SBF2: variants seen among roughly 807,000 people sequenced by gnomAD.
The protein encoded by SBF2 is myotubularin-related protein 13.
A neutral mutation model predicts 225.2 loss-of-function variants in SBF2; 112 were observed. The observed-to-expected ratio is 0.50, with a 90% CI of 0.43 to 0.58. The LOEUF (loss-of-function observed/expected upper bound fraction) is 0.58. Ranked by LOEUF, SBF2 falls within the 20% of genes least tolerant of loss-of-function variation. SBF2 has a pLI of 0.00. For missense variants in SBF2, 1,996 were observed against 2,206.2 expected (o/e 0.90, Z 1.91); for synonymous variants, 763 against 773.3 (o/e 0.99, Z 0.22).
At chr11:10,021,447 C>CAA (rs138053889) in intron 6 of SBF2, among the ~76,000 whole-genome samples, 12 of 150,338 alleles carry the variant, frequency 8.0e-5, no homozygotes, top group South Asian at 4.2e-4. Flanking sequence ...GCCAAAAAAA[C>CAA]AAAAAAAACA....
intron 6 of SBF2, among the ~76,000 whole-genome samples, chr11:10,026,734 T>C (rs1949070886): frequency 6.6e-6 from 1 of 152,028 alleles, no homozygotes; most frequent in African/African-American, 2.4e-5. Context: ...TAAGATCCTG[T>C]CTCCAAAAAA....
intron 1 of SBF2, among the ~76,000 whole-genome samples, chr11:10,275,907 T>C (rs1244773208): frequency 1.3e-5 from 2 of 152,180 alleles, no homozygotes; most frequent in Non-Finnish European, 2.9e-5. Context: ...TTATGTGGTA[T>C]TCATAACACT....
chr11:9,814,290 G>A (rs1854345514), intron 29 of SBF2, among the ~76,000 whole-genome samples: 1 of 152,146 alleles, frequency 6.6e-6, no homozygotes, highest in South Asian at 2.1e-4. Context: ...TGGACCATCT[G>A]CTTTTCTAAG....
intron 32 of SBF2, among the ~76,000 whole-genome samples, chr11:9,801,164 CT>C (rs1469480695): frequency 6.6e-6 from 1 of 152,172 alleles, no homozygotes; most frequent in Non-Finnish European, 1.5e-5. Context: ...TTTTAGGCTT[CT>C]CTCAGGTATC....
intron 2 of SBF2, among the ~76,000 whole-genome samples, chr11:10,131,913 C>T (rs372767055): frequency 6.6e-6 from 1 of 152,166 alleles, no homozygotes. Context: ...TGTGTCATGT[C>T]TAAGAACTCT....
intron 1 of SBF2, among the ~76,000 whole-genome samples, chr11:10,254,458 T>C (rs1017065941): frequency 1.3e-5 from 2 of 151,624 alleles, no homozygotes; most frequent in Admixed American, 6.6e-5. Context: ...GAAAAGGGAA[T>C]CAATATCTCA....
intron 16 of SBF2, chr11:9,961,651 T>C (rs1270734595): frequency 4.3e-6 from 1 of 232,534 alleles, no homozygotes; most frequent in Non-Finnish European, 8.5e-6. Context: ...GATGTGACTA[T>C]AGACATTAAG....
intron 2 of SBF2, among the ~76,000 whole-genome samples, chr11:10,146,548 G>A (rs1414617960): frequency 6.6e-6 from 1 of 152,038 alleles, no homozygotes; most frequent in African/African-American, 2.4e-5. Flanking sequence ...GGACCCCTTC[G>A]TTACATCACA....
intron 2 of SBF2, among the ~76,000 whole-genome samples, chr11:10,191,474 A>T (rs979947819): frequency 6.6e-6 from 1 of 152,228 alleles, no homozygotes; most frequent in Non-Finnish European, 1.5e-5. Context: ...TTTGTACTTG[A>T]CAACACCATA....
At chr11:10,242,414 A>G (rs1243828353) in intron 1 of SBF2, among the ~76,000 whole-genome samples, 2 of 152,104 alleles carry the variant, frequency 1.3e-5, no homozygotes, top group Non-Finnish European at 2.9e-5. Flanking sequence ...AAAAAAAATC[A>G]TCATATCAAA....
intron 2 of SBF2, among the ~76,000 whole-genome samples, chr11:10,109,532 G>A (rs1952735654): frequency 6.6e-6 from 1 of 152,168 alleles, no homozygotes; most frequent in Non-Finnish European, 1.5e-5. Flanking sequence ...AAATACATTT[G>A]TTAGCAACTG....
In SBF2 at chr11:10,011,090, TAAGAG is replaced by T. The variant is rs201276661; in HGVS notation, c.620-8406_620-8402del. Among the ~76,000 whole-genome samples, 16 of 152,252 alleles carry T rather than the reference TAAGAG, an allele frequency of 1.1e-4. No homozygotes were observed. The East Asian group carries it at 2.7e-3, about 26-fold the overall frequency. On this transcript the variant is annotated intron_variant, in intron 6 of 39. Coordinates refer to ENST00000256190, the MANE Select transcript of SBF2 (RefSeq NM_030962.4). Reference sequence around the variant, plus strand: ...GATTCCTTTATGCTTTTTTAAAAACTAAGAGAAGAAATAAAAAAATACACATATAG... The same window carrying T: ...GATTCCTTTATGCTTTTTTAAAAACTAAGAAATAAAAAAATACACATATAG...
At chr11:9,835,508 C>T (rs1855675555) in intron 26 of SBF2, among the ~76,000 whole-genome samples, 1 of 151,484 alleles carries the variant, frequency 6.6e-6, no homozygotes, top group Admixed American at 6.6e-5. Flanking sequence ...GTGGCATGCG[C>T]CTAGTCCCAG....
chr11:10,256,946 T>C (rs569574847), intron 1 of SBF2, among the ~76,000 whole-genome samples: 2 of 152,362 alleles, frequency 1.3e-5, no homozygotes, highest in African/African-American at 2.4e-5. Flanking sequence ...TTATTTATTA[T>C]AGAAGAATGA....
At chr11:9,937,491 A>T (rs1235409415) in intron 16 of SBF2, among the ~76,000 whole-genome samples, 1 of 152,202 alleles carries the variant, frequency 6.6e-6, no homozygotes, top group African/African-American at 2.4e-5. Flanking sequence ...AATAAAAATT[A>T]TTTACTAAAG....
intron 9 of SBF2, among the ~76,000 whole-genome samples, chr11:9,997,139 C>G (rs1252011965): frequency 6.6e-6 from 1 of 152,156 alleles, no homozygotes; most frequent in Non-Finnish European, 1.5e-5. Flanking sequence ...AATAAAATCC[C>G]TCCTGGTAAT....
chr11:10,001,832 A>T (rs896282717), intron 7 of SBF2, among the ~76,000 whole-genome samples: 1 of 152,066 alleles, frequency 6.6e-6, no homozygotes, highest in East Asian at 1.9e-4. Flanking sequence ...GGCCAAAAAA[A>T]TTTTTTTAAA....
intron 2 of SBF2, among the ~76,000 whole-genome samples, chr11:10,126,668 A>G (rs1011075600): frequency 6.6e-6 from 1 of 152,144 alleles, no homozygotes; most frequent in African/African-American, 2.4e-5. Flanking sequence ...ACAATCCAAC[A>G]ATTTTACTTC....
At chr11:10,000,756 T>C (rs181150713) in intron 8 of SBF2, among the ~76,000 whole-genome samples, 158 bp downstream of exon 8, 27 of 152,314 alleles carry the variant, frequency 1.8e-4, no homozygotes, top group Admixed American at 1.5e-3. Context: ...GCAAAATTAA[T>C]ATACAGACTT....
Sources: gnomAD v4.1 joint callset for allele counts (sites outside exome capture counted in the v4.1 genomes callset) on GRCh38, gnomAD v4.1.1 for gene constraint, MANE v1.5 for transcripts, NCBI Gene and HGNC (gene_info 2026-07-23, HGNC 2026-07-21) for gene names.